ZBTB40: variants seen among roughly 807,000 people sequenced by gnomAD.
ZBTB40 encodes the protein zinc finger and BTB domain-containing protein 40.
In ZBTB40, 60 loss-of-function variants were observed where a neutral mutation model predicts 117.5. The ratio of observed to expected loss-of-function variants is 0.51; its 90% CI spans 0.41 to 0.63. ZBTB40 has a LOEUF of 0.63. ZBTB40 is among the 30% of genes least tolerant of loss of function. ZBTB40 has a pLI of 0.00. For missense variants in ZBTB40, 1,287 were observed against 1,498.5 expected (o/e 0.86, Z 2.33); for synonymous variants, 525 against 577.1 (o/e 0.91, Z 1.29).
At chr1:22,522,849 TC>T in intron 16 of ZBTB40, among the ~76,000 whole-genome samples, 1 of 150,574 alleles carries the variant, frequency 6.6e-6, no homozygotes, top group East Asian at 2.0e-4. Flanking sequence ...CACTGCAACC[TC>T]CATCTCCTGG....
At chr1:22,442,401 T>C (rs1000132416) in intron 1 of ZBTB40, among the ~76,000 whole-genome samples, 1 of 151,490 alleles carries the variant, frequency 6.6e-6, no homozygotes, top group Non-Finnish European at 1.5e-5. Flanking sequence ...TACAAAATGA[T>C]GGGTTTATAT....
chr1:22,519,931 C>G (rs1471085512), intron 13 of ZBTB40, 130 bp from the exon 14 acceptor site: 1 of 860,012 alleles, frequency 1.2e-6, no homozygotes, highest in Non-Finnish European at 2.0e-6. Flanking sequence ...GTCTATGACC[C>G]TGCCTGTTAC....
chr1:22,508,875 C>T lies in ZBTB40; in HGVS notation c.1699+144C>T, dbSNP rs541283985. On this transcript the variant is annotated intron_variant, in intron 8 of 17. Coordinates refer to ENST00000375647, the MANE Select transcript of ZBTB40 (RefSeq NM_014870.4). Reference sequence around the variant, plus strand: ...GGACTGGCAGTTTTGTTCAAGGACACAAGAGTTTGTAAACCTTTTAAAAAA... The same window carrying T: ...GGACTGGCAGTTTTGTTCAAGGACATAAGAGTTTGTAAACCTTTTAAAAAA... 2.2e-4 allele frequency: 246 copies of T among 1,108,394 alleles called. 1 individual carries two copies. In the South Asian group the frequency reaches 3.4e-3, roughly 15 times the overall value. 68.7% of individuals were successfully genotyped at this position (1,108,394 alleles called of 1,614,324 possible). A position where few individuals can be genotyped will look rare whatever the true frequency, so the allele number is the denominator to read the frequency against.
At chr1:22,503,281 G>A (rs1341025052) in intron 5 of ZBTB40, among the ~76,000 whole-genome samples, 1 of 151,148 alleles carries the variant, frequency 6.6e-6, no homozygotes, top group African/African-American at 2.4e-5. Context: ...TTGCCCTTCA[G>A]GAAGGTTGTA....
intron 1 of ZBTB40, among the ~76,000 whole-genome samples, chr1:22,444,940 A>G (rs1351517439): frequency 6.6e-6 from 1 of 152,216 alleles, no homozygotes; most frequent in Non-Finnish European, 1.5e-5. Context: ...ACTCTGCCTT[A>G]TGCCCTTTGG....
rs1298179856 is a variant in ZBTB40, at chr1:22,491,408, A to G, written c.706A>G (p.Arg236Gly). 6.2e-7 allele frequency: 1 copy of G among 1,613,956 alleles called. No individual in the cohort carries two copies. The highest frequency in any genetic ancestry group is 1.3e-5 in the African/African-American group (1 of 75,054). Residue 236 changes from arginine (R) to glycine (G), a missense_variant, in exon 3 of 18, where the codon AGG becomes GGG. This residue lies in a region of ZBTB40 where 870 missense variants were observed against 934.4 expected (regional missense o/e 0.93). Coordinates refer to ENST00000375647, the MANE Select transcript of ZBTB40 (RefSeq NM_014870.4). ...KKTSTEPGCE[R>G]KHYQLNFLLE... is the part of the protein sequence containing the mutation. The stretch of plus-strand genomic sequence containing the variant: ...TTTTGTTCTACATTTAGGATGTGAA[A>G]GGAAACACTACCAGCTGAATTTTCT...
chr1:22,529,133 G>A lies in ZBTB40; in HGVS notation c.*2737G>A, dbSNP rs577786312. ...TCTTATAGGAAAACTTTCTGACTCT[G>A]CTTGGCCATTTTATCCTTTTCTCCT... On this transcript the variant is annotated 3_prime_UTR_variant, in exon 18 of 18. Coordinates refer to ENST00000375647, the MANE Select transcript of ZBTB40 (RefSeq NM_014870.4). 1 of 152,418 alleles carries A rather than the reference G, an allele frequency of 6.6e-6. No individual in the cohort carries two copies. Among genetic ancestry groups the A allele is most frequent in the East Asian group, 1.9e-4 (1 of 5,272 alleles). The allele number at this position is 152,418 out of a possible 1,614,324, so 9.4% of individuals were successfully genotyped here.
chr1:22,504,695 A>T (rs188871708), intron 5 of ZBTB40, among the ~76,000 whole-genome samples: 1 of 152,230 alleles, frequency 6.6e-6, no homozygotes, highest in Non-Finnish European at 1.5e-5. Flanking sequence ...TACAGTAACA[A>T]CTGTGCAAGA....
At chr1:22,525,931 C>T (rs1254258554) in intron 17 of ZBTB40, among the ~76,000 whole-genome samples, 3 of 152,166 alleles carry the variant, frequency 2.0e-5, no homozygotes, top group East Asian at 1.9e-4. Context: ...AGCCAGTGTT[C>T]GCTGGTGTAT....
intron 1 of ZBTB40, among the ~76,000 whole-genome samples, chr1:22,484,535 G>A (rs1638413163): frequency 1.3e-5 from 2 of 152,106 alleles, no homozygotes; most frequent in East Asian, 3.8e-4. Context: ...AGTTCCAGGA[G>A]GTTTTTTGTC....
intron 13 of ZBTB40, among the ~76,000 whole-genome samples, chr1:22,518,220 G>C (rs548774128): frequency 1.8e-4 from 27 of 152,326 alleles, no homozygotes; most frequent in East Asian, 1.3e-3. Context: ...AGAGCTTGGA[G>C]TCTGGAATCA....
rs1638489841 is a variant in ZBTB40, at chr1:22,486,990, C to T, written c.-69-2890C>T. Reference sequence around the variant, plus strand: ...CCTCAAGTGATCCGCCCGCCTCAGCCTCCCAAAGTGCTGGGATTACAAGCG... The same window carrying T: ...CCTCAAGTGATCCGCCCGCCTCAGCTTCCCAAAGTGCTGGGATTACAAGCG... On this transcript the variant is annotated intron_variant, in intron 1 of 17. Coordinates refer to ENST00000375647, the MANE Select transcript of ZBTB40 (RefSeq NM_014870.4). 1.3e-5 allele frequency among the ~76,000 whole-genome samples: 2 copies of T among 152,152 alleles called. 1 individual carries two copies. Among genetic ancestry groups the T allele is most frequent in the African/African-American group, 4.8e-5 (2 of 41,426 alleles).
At position 22,491,490 on chromosome 1, in the gene ZBTB40, A is replaced by G; in HGVS notation, c.788A>G (p.Lys263Arg). Residue 263 changes from lysine (K) to arginine (R), a missense_variant, in exon 3 of 18, where the codon AAA becomes AGA. Coordinates refer to ENST00000375647, the MANE Select transcript of ZBTB40 (RefSeq NM_014870.4). ...CTCATGGTTACCCAGGATGTTTTAA[A>G]AAAACTAGAAATGTGTTCAGAAATT... ...DALMVTQDVL[K>R]KLEMCSEIKG... 1 of 1,614,062 alleles carries G rather than the reference A, an allele frequency of 6.2e-7. No homozygotes were observed. Among genetic ancestry groups the G allele is most frequent in the Non-Finnish European group, 8.5e-7 (1 of 1,179,960 alleles).
Position 22,490,014 on chromosome 1 carries a change from G to C in ZBTB40, c.66G>C (p.Gln22His). ...QQLYTLCKEQ[Q>H]FCDCTISIGT... ...TGTACACTCTGTGCAAGGAGCAGCA[G>C]TTCTGTGATTGCACCATCTCCATTG... The change falls in exon 2 of 18, where the codon CAG becomes CAC. Residue 22 changes from glutamine to histidine, a missense_variant. Physicochemically the swap from Gln to His is conservative, Grantham distance 24 (BLOSUM62 0). Transcript: ENST00000375647. 1.2e-6 allele frequency: 2 copies of C among 1,614,050 alleles called. No individual in the cohort carries two copies. The highest frequency in any genetic ancestry group is 1.7e-6 in the Non-Finnish European group (2 of 1,180,030).
chr1:22,493,121 G>T (rs1638677634), intron 3 of ZBTB40, among the ~76,000 whole-genome samples: 1 of 152,150 alleles, frequency 6.6e-6, no homozygotes, highest in Non-Finnish European at 1.5e-5. Flanking sequence ...AGAAATGTCT[G>T]TTATACATGC....
chr1:22,434,448 T>G (rs1461475564), intron 1 of ZBTB40, among the ~76,000 whole-genome samples: 1 of 152,190 alleles, frequency 6.6e-6, no homozygotes, highest in Non-Finnish European at 1.5e-5. Flanking sequence ...GTGATTGAAT[T>G]TATCAATCTT....
intron 3 of ZBTB40, among the ~76,000 whole-genome samples, chr1:22,500,847 A>G (rs1638918081): frequency 6.6e-6 from 1 of 152,240 alleles, no homozygotes; most frequent in African/African-American, 2.4e-5. Context: ...TCTAAAATTA[A>G]TAAGGCCCGT....
intron 1 of ZBTB40, among the ~76,000 whole-genome samples, chr1:22,479,208 TG>T (rs1421175029): frequency 6.6e-6 from 1 of 152,244 alleles, no homozygotes; most frequent in African/African-American, 2.4e-5. Flanking sequence ...ATGAGAGTTC[TG>T]GTCACTCAAC....
intron 3 of ZBTB40, among the ~76,000 whole-genome samples, chr1:22,497,827 AAGT>A (rs1569848854): frequency 6.6e-6 from 1 of 152,152 alleles, no homozygotes; most frequent in African/African-American, 2.4e-5. Flanking sequence ...AGTTCATCTA[AAGT>A]AGTAGTAGTA....
Sources: allele counts gnomAD v4.1 joint callset (sites outside exome capture counted in the v4.1 genomes callset), GRCh38; gene constraint gnomAD v4.1.1; regional missense constraint gnomAD v4.1.1; transcripts MANE v1.5; gene names NCBI Gene and HGNC (gene_info 2026-07-23, HGNC 2026-07-21).